The following CCDC110 variants were observed in gnomAD, a reference collection of about 807,000 sequenced individuals.
CCDC110 encodes the protein coiled-coil domain containing 110.
Under a neutral mutation model 77.1 loss-of-function variants are expected in CCDC110, and 70 were observed. That is an observed-to-expected ratio of 0.91 (90% confidence interval 0.75 to 1.11). CCDC110 has a LOEUF of 1.11. CCDC110 is among the 50% of genes least tolerant of loss of function. The pLI, the probability that CCDC110 is intolerant of heterozygous loss-of-function variation, is 0.00. For missense variants in CCDC110, 868 were observed against 942.9 expected, an observed-to-expected ratio of 0.92 and a Z score of 1.04; for synonymous variants, 295 against 312.5, an observed-to-expected ratio of 0.94 and a Z score of 0.59.
chr4:185,452,235 A>G (rs532421873), intron 6 of CCDC110: 492 of 985,168 alleles, frequency 5.0e-4, no homozygotes, highest in Non-Finnish European at 5.6e-4. Context: ...CTAGTTATCT[A>G]CTCTCCTGTT....
intron 2 of CCDC110, among the ~76,000 whole-genome samples, chr4:185,469,990 T>C (rs1330614225): frequency 6.6e-6 from 1 of 152,200 alleles, no homozygotes; most frequent in African/African-American, 2.4e-5. Context: ...TTCCCCGGCA[T>C]GTCCCCTCAC....
At chr4:185,470,509 G>A (rs2095664047) in intron 2 of CCDC110, 2 of 345,730 alleles carry the variant, frequency 5.8e-6, no homozygotes, top group Non-Finnish European at 5.8e-6. Context: ...CCAAGGATGC[G>A]GAACTCCCAG....
At chr4:185,460,298 C>T (rs1388103218) in intron 5 of CCDC110, 60 bp from the exon 6 acceptor site, 3 of 1,294,912 alleles carry the variant, frequency 2.3e-6, no homozygotes, top group Non-Finnish European at 3.2e-6. Context: ...TAAAGCAGTA[C>T]AGATAATATT....
intron 6 of CCDC110, among the ~76,000 whole-genome samples, chr4:185,448,121 A>G (rs2095619672): frequency 6.6e-6 from 1 of 151,986 alleles, no homozygotes; most frequent in African/African-American, 2.4e-5. Context: ...CCCAGGTTCA[A>G]GCAACTCTCC....
intron 6 of CCDC110, chr4:185,452,284 C>T (rs2095630293): frequency 4.1e-6 from 4 of 985,234 alleles, no homozygotes; most frequent in African/African-American, 1.7e-5. Context: ...CTGCATCCAT[C>T]GTCAATGAGT....
Position 185,445,263 on chromosome 4 carries a change from C to A in CCDC110, c.*239G>T. ...ATGTGGGTGACTTTAGACATCTCAG[C>A]TCCTTCCATGTACAGGTACCTGCCC... On this transcript the variant is annotated 3_prime_UTR_variant, in exon 7 of 7. Coordinates refer to ENST00000307588, the MANE Select transcript of CCDC110 (RefSeq NM_152775.4). 1 of 827,008 alleles carries A rather than the reference C, an allele frequency of 1.2e-6. No homozygotes were observed. Among genetic ancestry groups the A allele is most frequent in the South Asian group, 2.0e-5 (1 of 51,246 alleles). The allele number at this position is 827,008 out of a possible 1,614,324, so 51.2% of individuals were successfully genotyped here.
chr4:185,466,122 T>A (rs1417766886), intron 2 of CCDC110, among the ~76,000 whole-genome samples: 1 of 152,082 alleles, frequency 6.6e-6, no homozygotes, highest in African/African-American at 2.4e-5. Context: ...GCACCTGTAA[T>A]CCCAGCACTT....
chr4:185,465,817 G>C (rs1277832429), intron 2 of CCDC110, among the ~76,000 whole-genome samples: 1 of 152,148 alleles, frequency 6.6e-6, no homozygotes, highest in Admixed American at 6.5e-5. Flanking sequence ...ATACTTTGGA[G>C]ATGAAGCCAG....
intron 6 of CCDC110, among the ~76,000 whole-genome samples, chr4:185,446,367 G>T (rs2095611313): frequency 6.6e-6 from 1 of 151,988 alleles, no homozygotes; most frequent in African/African-American, 2.4e-5. Flanking sequence ...GATAATTTGG[G>T]GTGCTCTAAC....
intron 6 of CCDC110, among the ~76,000 whole-genome samples, chr4:185,450,968 T>C (rs1055643264): frequency 6.6e-6 from 1 of 152,156 alleles, no homozygotes; most frequent in Non-Finnish European, 1.5e-5. Context: ...TCATCTTGAG[T>C]TGTAGCTCCC....
In CCDC110 at chr4:185,459,458, C is replaced by T; in HGVS notation, c.1129G>A (p.Val377Ile). 1.9e-6 allele frequency: 3 copies of T among 1,613,622 alleles called. No individual in the cohort carries two copies. Among genetic ancestry groups the T allele is most frequent in the South Asian group, 1.1e-5 (1 of 91,048 alleles). The change falls in exon 6 of 7, where the codon GTT becomes ATT. Residue 377 changes from valine (V) to isoleucine (I), a missense_variant. By Grantham distance (29) the Val-to-Ile change is conservative (BLOSUM62 3). Coordinates refer to ENST00000307588, the MANE Select transcript of CCDC110 (RefSeq NM_152775.4). ...NITDLKFHSR[V>I]PRYTLSFLDQ... ...AGGAAGGACAGTGTGTATCTTGGAA[C>T]TCTGGAATGGAATTTTAAATCTGTA...
chr4:185,459,424 G>C lies in CCDC110; in HGVS notation c.1163C>G (p.Thr388Arg). The C allele has an allele frequency of 6.2e-7, 1 of 1,612,308 alleles. No individual in the cohort carries two copies. Among genetic ancestry groups the C allele is most frequent in the Non-Finnish European group, 8.5e-7 (1 of 1,178,896 alleles). The change falls in exon 6 of 7, where the codon ACA (threonine) becomes AGA (arginine). Residue 388 changes from threonine to arginine, a missense_variant. By Grantham distance (71) the Thr-to-Arg change is moderately conservative (BLOSUM62 -1). Coordinates refer to ENST00000307588, the MANE Select transcript of CCDC110 (RefSeq NM_152775.4). ...PRYTLSFLDQ[T>R]KHEMKDKERQ... ...TTCTTTGTCTTTCATTTCATGTTTT[G>C]TTTGGTCGAGGAAGGACAGTGTGTA...
At chr4:185,462,824 G>T (rs1020503252) in intron 3 of CCDC110, 116 bp from the exon 4 acceptor site, 3 of 1,054,294 alleles carry the variant, frequency 2.8e-6, no homozygotes, top group South Asian at 1.3e-5. Flanking sequence ...TCCCGTGAGG[G>T]TCAGGTGGTT....
chr4:185,466,118 G>C (rs938641957), intron 2 of CCDC110, among the ~76,000 whole-genome samples: 1 of 152,192 alleles, frequency 6.6e-6, no homozygotes, highest in African/African-American at 2.4e-5. Flanking sequence ...GCTCGCACCT[G>C]TAATCCCAGC....
chr4:185,470,900 G>T lies in CCDC110; in HGVS notation c.115+45C>A, dbSNP rs77690701. On this transcript the variant is annotated intron_variant, in intron 2 of 6. Transcript: ENST00000307588. The stretch of plus-strand genomic sequence containing the variant: ...CAGGTGGCACAGGCCAGATGCTGCC[G>T]CCTGTGTATAGTTAAAGGAGCCTTT... 9.9e-4 allele frequency: 1,349 copies of T among 1,369,282 alleles called. 28 individuals are homozygous for T. The East Asian group carries it at 0.026, about 26-fold the overall frequency. The allele number at this position is 1,369,282 out of a possible 1,614,324, so 84.8% of individuals were successfully genotyped here. A position where few individuals can be genotyped will look rare whatever the true frequency, so the allele number is the denominator to read the frequency against.
In CCDC110 at chr4:185,458,696, G is replaced by A. The variant is rs1478863539; in HGVS notation, c.1891C>T (p.Leu631Phe). 1.2e-6 allele frequency: 2 copies of A among 1,603,930 alleles called. No homozygotes were observed. The highest frequency in any genetic ancestry group is 3.4e-5 in the Admixed American group (2 of 58,482). The change falls in exon 6 of 7, where the codon CTT becomes TTT. Residue 631 changes from leucine (L) to phenylalanine (F), a missense_variant. By Grantham distance (22) the Leu-to-Phe change is conservative (BLOSUM62 0). Transcript: ENST00000307588. ...TCTTTAACTGTTTCTATTATTTGAA[G>A]AAGTGTCTCTTGTTCCGTTTTTGCC... ...RLAKTEQETL[L>F]QIIETVKDEK...
rs2095635725 is a variant in CCDC110, at chr4:185,456,152, A to ATAGAGTT, written c.2461+1973_2461+1974insAACTCTA. Among the ~76,000 whole-genome samples, 2 of 151,900 alleles carry ATAGAGTT rather than the reference A, an allele frequency of 1.3e-5. 1 individual carries two copies. The highest frequency in any genetic ancestry group is 1.3e-4 in the Admixed American group (2 of 15,252). On this transcript the variant is annotated intron_variant, in intron 6 of 6. Transcript: ENST00000307588. ...AAGTCTCAATAAATTAAAAAAGATT[A>ATAGAGTT]TGTTCTCTGATCAAAACAGAATTAA...
intron 6 of CCDC110, among the ~76,000 whole-genome samples, chr4:185,450,158 T>C (rs1306648350): frequency 6.6e-6 from 1 of 152,206 alleles, no homozygotes; most frequent in Admixed American, 6.5e-5. Context: ...GTGAGGCAAA[T>C]GCTTCAGCTT....
rs1336320758 is a variant in CCDC110 at position 185,459,962 on chromosome 4, G to T, written c.625C>A (p.Pro209Thr). 6.2e-7 allele frequency: 1 copy of T among 1,613,624 alleles called. No homozygotes were observed. Among genetic ancestry groups the T allele is most frequent in the African/African-American group, 1.3e-5 (1 of 74,906 alleles). Residue 209 changes from proline (P) to threonine (T), a missense_variant, in exon 6 of 7, where the codon CCA (proline) becomes ACA (threonine). By Grantham distance (38) the Pro-to-Thr change is conservative (BLOSUM62 -1). Transcript: ENST00000307588. The part of the protein sequence containing the change: ...NFYRFLPTAP[P>T]NVMSQADTVI... ...GTATCAGCTTGAGACATCACATTTGGAGGTGCAGTAGGTAGAAAACGATAA... is the reference window on the plus strand; with the variant it reads ...GTATCAGCTTGAGACATCACATTTGTAGGTGCAGTAGGTAGAAAACGATAA...
Sources: gnomAD v4.1 joint callset for allele counts (sites outside exome capture counted in the v4.1 genomes callset) on GRCh38, gnomAD v4.1.1 for gene constraint, MANE v1.5 for transcripts, NCBI Gene and HGNC (gene_info 2026-07-23, HGNC 2026-07-21) for gene names.